Variants in DLGAP2 observed in about 807,000 individuals in gnomAD.
The protein encoded by DLGAP2 is disks large-associated protein 2.
Under a neutral mutation model 100.3 loss-of-function variants are expected in DLGAP2, and 26 were observed. The ratio of observed to expected loss-of-function variants is 0.26; its 90% CI spans 0.19 to 0.36. The LOEUF is 0.36. DLGAP2 is among the 10% of genes least tolerant of loss of function. The pLI is 1.00. For missense variants in DLGAP2, 1,858 were observed against 1,453.2 expected, an observed-to-expected ratio of 1.28 and a Z score of -4.53; for synonymous variants, 886 against 630.1, an observed-to-expected ratio of 1.41 and a Z score of -6.08.
chr8:1,036,041 C>G (rs554653690), intron 2 of DLGAP2, among the ~76,000 whole-genome samples: 1 of 97,960 alleles, frequency 1.0e-5, no homozygotes, highest in African/African-American at 3.6e-5. Flanking sequence ...TGGGTTCACA[C>G]GCTCATCCCG....
intron 3 of DLGAP2, among the ~76,000 whole-genome samples, chr8:1,438,940 A>C (rs1049251564): frequency 2.0e-5 from 3 of 152,196 alleles, no homozygotes; most frequent in Admixed American, 1.3e-4. Context: ...GTGAAGCATG[A>C]AAATAGGAAC....
chr8:984,267 G>T (rs1420745743), intron 2 of DLGAP2, among the ~76,000 whole-genome samples: 1 of 152,210 alleles, frequency 6.6e-6, no homozygotes, highest in African/African-American at 2.4e-5. Context: ...TATGCGAGGT[G>T]AGCTGTCTGA....
At chr8:1,320,886 T>C (rs114999347) in intron 3 of DLGAP2, among the ~76,000 whole-genome samples, 1,559 of 152,296 alleles carry the variant, frequency 0.01, 12 homozygotes, top group Middle Eastern at 0.027. Flanking sequence ...TGTGCACATG[T>C]CTGTATGCAC....
In DLGAP2 at chr8:1,678,601, G is replaced by A. The variant is rs1471953105; in HGVS notation, c.2676G>A (p.Glu892=). ...MEGWCKEMER[E]AEENDLSEEI... ...GCTGGTGCAAAGAGATGGAGAGAGA[G>A]GCGGAGGAGAACGACCTCTCGGAGG... The change falls in exon 12 of 15, where the codon GAG becomes GAA. Residue 892 remains glutamate, a synonymous_variant. Transcript: ENST00000637795. 6.4e-7 allele frequency: 1 copy of A among 1,565,484 alleles called. No homozygotes were observed.
chr8:970,458 C>T (rs1296384327), intron 2 of DLGAP2, among the ~76,000 whole-genome samples: 2 of 152,280 alleles, frequency 1.3e-5, no homozygotes, highest in East Asian at 1.9e-4. Flanking sequence ...GGACAAATGG[C>T]AGAATTCTTA....
chr8:1,298,481 G>C (rs546125701), intron 3 of DLGAP2, among the ~76,000 whole-genome samples: 1 of 152,258 alleles, frequency 6.6e-6, no homozygotes, highest in East Asian at 1.9e-4. Context: ...ACACACAGGA[G>C]GGAGCTGAGT....
At chr8:752,755 C>T (rs938031521) in intron 1 of DLGAP2, among the ~76,000 whole-genome samples, 9 of 152,072 alleles carry the variant, frequency 5.9e-5, no homozygotes, top group African/African-American at 9.7e-5. Flanking sequence ...ATGCTTGTGA[C>T]GGGATGCTGT....
chr8:938,366 T>G (rs1799119367), intron 2 of DLGAP2, among the ~76,000 whole-genome samples: 1 of 152,160 alleles, frequency 6.6e-6, no homozygotes, highest in Admixed American at 6.5e-5. Context: ...CTGGCTGATT[T>G]TTAAATTTTT....
intron 2 of DLGAP2, among the ~76,000 whole-genome samples, chr8:1,179,365 G>C (rs114787585): frequency 0.024 from 3,705 of 152,308 alleles, 178 homozygotes; most frequent in African/African-American, 0.085. Flanking sequence ...GGTGGAGGGA[G>C]TGCTTCGCTG....
intron 2 of DLGAP2, among the ~76,000 whole-genome samples, chr8:1,115,533 A>G (rs969294341): frequency 3.9e-5 from 6 of 152,240 alleles, no homozygotes; most frequent in African/African-American, 1.4e-4. Context: ...TTGTGTATGT[A>G]AAGTGCCTAA....
At chr8:1,511,731 C>T (rs926464559) in intron 4 of DLGAP2, among the ~76,000 whole-genome samples, 2 of 151,782 alleles carry the variant, frequency 1.3e-5, no homozygotes, top group Admixed American at 6.6e-5. Context: ...TAGTGTAAGA[C>T]AATCAATAGA....
At chr8:985,561 T>A (rs922320958) in intron 2 of DLGAP2, among the ~76,000 whole-genome samples, 1 of 152,184 alleles carries the variant, frequency 6.6e-6, no homozygotes. Context: ...CAAAGAGAAT[T>A]TATTATGCTG....
intron 3 of DLGAP2, among the ~76,000 whole-genome samples, chr8:1,478,434 C>T (rs1798996197): frequency 6.6e-6 from 1 of 152,230 alleles, no homozygotes; most frequent in Non-Finnish European, 1.5e-5. Context: ...GTGTGAAGAG[C>T]ATGCTTTCAG....
chr8:1,389,818 A>G (rs930881955), intron 3 of DLGAP2, among the ~76,000 whole-genome samples: 3 of 152,114 alleles, frequency 2.0e-5, no homozygotes, highest in Non-Finnish European at 4.4e-5. Flanking sequence ...GCAAGGATCC[A>G]ACGCAGACCC....
intron 3 of DLGAP2, among the ~76,000 whole-genome samples, chr8:1,485,500 T>G (rs1376740889): frequency 2.0e-5 from 3 of 152,250 alleles, no homozygotes; most frequent in Admixed American, 2.0e-4. Flanking sequence ...TGGATGCAGA[T>G]TTTTATAGCA....
At chr8:1,232,302 AC>A (rs1198779747) in intron 2 of DLGAP2, among the ~76,000 whole-genome samples, 1 of 152,106 alleles carries the variant, frequency 6.6e-6, no homozygotes, top group Non-Finnish European at 1.5e-5. Context: ...TGCTGTTTGG[AC>A]CTGAGTGGGG....
At chr8:1,531,235 C>T (rs905145443) in intron 4 of DLGAP2, among the ~76,000 whole-genome samples, 83 of 140,226 alleles carry the variant, frequency 5.9e-4, no homozygotes, top group Admixed American at 9.1e-4. Flanking sequence ...TATTAGAGAG[C>T]GTGTGCGTGT....
At chr8:1,565,617 A>G in intron 5 of DLGAP2, 66 bp from the exon 6 acceptor site, 3 of 1,325,018 alleles carry the variant, frequency 2.3e-6, no homozygotes, top group Non-Finnish European at 3.1e-6. Flanking sequence ...TTGTTTCCAA[A>G]AAGGAGCTGA....
intron 1 of DLGAP2, among the ~76,000 whole-genome samples, chr8:772,156 C>A (rs946351353): frequency 2.0e-5 from 3 of 152,122 alleles, no homozygotes; most frequent in African/African-American, 7.2e-5. Flanking sequence ...CTGCCTCAGC[C>A]TCCCAAAGTG....
Sources: gnomAD v4.1 joint callset for allele counts (sites outside exome capture counted in the v4.1 genomes callset) on GRCh38, gnomAD v4.1.1 for gene constraint, MANE v1.5 for transcripts, NCBI Gene and HGNC (gene_info 2026-07-23, HGNC 2026-07-21) for gene names.